DIS3L2: variants seen among roughly 807,000 people sequenced by gnomAD.
The protein encoded by DIS3L2 is DIS3 like 3'-5' exoribonuclease 2.
A neutral mutation model predicts 97.5 loss-of-function variants in DIS3L2; 34 were observed. The ratio of observed to expected loss-of-function variants is 0.35; its 90% CI spans 0.27 to 0.46. DIS3L2 has a LOEUF of 0.46. Ranked by LOEUF, DIS3L2 falls within the 20% of genes least tolerant of loss-of-function variation. DIS3L2 has a pLI of 1.00. For synonymous variants in DIS3L2, 435 were observed against 445.2 expected, an observed-to-expected ratio of 0.98 and a Z score of 0.29; for missense variants, 1,038 against 1,146.0, an observed-to-expected ratio of 0.91 and a Z score of 1.36.
At chr2:232,245,429 A>G (rs986500338) in intron 11 of DIS3L2, among the ~76,000 whole-genome samples, 2 of 152,210 alleles carry the variant, frequency 1.3e-5, no homozygotes, top group South Asian at 4.1e-4. Context: ...GAGCACATTC[A>G]CAGTGACCCT....
intron 7 of DIS3L2, among the ~76,000 whole-genome samples, chr2:232,132,525 A>G (rs1421589600): frequency 2.6e-5 from 4 of 152,210 alleles, no homozygotes; most frequent in East Asian, 1.9e-4. Flanking sequence ...TAGAGAAACA[A>G]CATAACAGCA....
intron 9 of DIS3L2, chr2:232,172,888 T>G (rs1691033410): frequency 2.3e-6 from 1 of 433,220 alleles, no homozygotes; most frequent in African/African-American, 2.1e-5. Flanking sequence ...GAATGTATTT[T>G]GATGTGCTTA....
At chr2:232,094,019 T>C (rs913187261) in intron 6 of DIS3L2, among the ~76,000 whole-genome samples, 6 of 152,118 alleles carry the variant, frequency 3.9e-5, no homozygotes, top group Non-Finnish European at 7.4e-5. Flanking sequence ...ATCCCATAGG[T>C]TTTGAATATG....
intron 5 of DIS3L2, among the ~76,000 whole-genome samples, chr2:232,054,964 CAAAT>C (rs1695505073): frequency 6.6e-6 from 1 of 152,094 alleles, no homozygotes; most frequent in Non-Finnish European, 1.5e-5. Flanking sequence ...ATTCAAAACT[CAAAT>C]AAGGTAATTC....
intron 6 of DIS3L2, among the ~76,000 whole-genome samples, chr2:232,122,396 C>T (rs1420134334): frequency 6.6e-6 from 1 of 152,100 alleles, no homozygotes; most frequent in Non-Finnish European, 1.5e-5. Context: ...CCAGTTGTGT[C>T]CAAAATAACA....
chr2:232,094,718 CAA>C (rs59253625), intron 6 of DIS3L2, among the ~76,000 whole-genome samples: 5 of 111,476 alleles, frequency 4.5e-5, no homozygotes, highest in East Asian at 2.5e-4. Flanking sequence ...GACTCCATCT[CAA>C]AAAAAAAAAA....
intron 1 of DIS3L2, among the ~76,000 whole-genome samples, chr2:231,975,250 T>C (rs1693049081): frequency 6.6e-6 from 1 of 152,090 alleles, no homozygotes; most frequent in Non-Finnish European, 1.5e-5. Context: ...TGCAAAATAA[T>C]GAGGTCACTA....
intron 8 of DIS3L2, among the ~76,000 whole-genome samples, chr2:232,141,019 C>G (rs907896940): frequency 2.0e-5 from 3 of 152,162 alleles, no homozygotes; most frequent in African/African-American, 4.8e-5. Context: ...GTACTACACT[C>G]TAGTCCAGGA....
chr2:231,988,407 C>T (rs1214119532), intron 1 of DIS3L2, among the ~76,000 whole-genome samples: 2 of 152,228 alleles, frequency 1.3e-5, no homozygotes, highest in Non-Finnish European at 2.9e-5. Flanking sequence ...ACGTGCTTAG[C>T]TGACAGACCA....
At chr2:232,015,761 T>G in intron 3 of DIS3L2, 90 bp downstream of exon 3, 7 of 1,458,520 alleles carry the variant, frequency 4.8e-6, no homozygotes, top group Admixed American at 2.0e-5. Context: ...CTATATGCTT[T>G]CAGAGAGACG....
intron 8 of DIS3L2, among the ~76,000 whole-genome samples, chr2:232,145,273 G>T (rs576188586): frequency 6.6e-6 from 1 of 152,004 alleles, no homozygotes; most frequent in Non-Finnish European, 1.5e-5. Context: ...GTTATTAATG[G>T]TATCTTCTGA....
chr2:232,335,705 C>G, intron 19 of DIS3L2, 68 bp from the exon 20 acceptor site: 2 of 1,515,668 alleles, frequency 1.3e-6, no homozygotes, highest in Non-Finnish European at 1.8e-6. Flanking sequence ...GCATTGAAGC[C>G]CTCCAGGGTG....
intron 13 of DIS3L2, among the ~76,000 whole-genome samples, chr2:232,277,507 TTC>T (rs1247108513): frequency 1.3e-5 from 2 of 152,202 alleles, no homozygotes; most frequent in Admixed American, 6.5e-5. Context: ...TGTGCTACTT[TTC>T]TCTTTCTTAC....
At chr2:232,101,746 T>C (rs531765989) in intron 6 of DIS3L2, among the ~76,000 whole-genome samples, 2 of 152,378 alleles carry the variant, frequency 1.3e-5, no homozygotes, top group East Asian at 3.9e-4. Context: ...ATACTCAGCA[T>C]TGCTGCTGTA....
chr2:232,225,247 T>C lies in DIS3L2; in HGVS notation c.1205-13286T>C, dbSNP rs548150553. ...CCCAGCAGTTTTAGTCTTAAGTATA[T>C]ACCCCATAGAAAGGTGTATATATGT... On this transcript the variant is annotated intron_variant, in intron 10 of 20. Coordinates refer to ENST00000325385, the MANE Select transcript of DIS3L2 (RefSeq NM_152383.5). Among the ~76,000 whole-genome samples, 429 of 152,274 alleles carry C rather than the reference T, an allele frequency of 2.8e-3. 1 individual carries two copies. Among genetic ancestry groups the C allele is most frequent in the Non-Finnish European group, 4.7e-3 (317 of 68,026 alleles).
chr2:232,133,614 C>T lies in DIS3L2; in HGVS notation c.703-2858C>T, dbSNP rs374429097. Among the ~76,000 whole-genome samples, 4 of 152,242 alleles carry T rather than the reference C, an allele frequency of 2.6e-5. No homozygotes were observed. The East Asian group carries it at 5.8e-4, about 22-fold the overall frequency. ...CCAACAATGATTTAAAAATAGCCAT[C>T]ATAAAAGTGCTTCAATAAGCAATTA... On this transcript the variant is annotated intron_variant, in intron 7 of 20. Coordinates refer to ENST00000325385, the MANE Select transcript of DIS3L2 (RefSeq NM_152383.5).
chr2:232,333,090 C>G (rs932397941), intron 16 of DIS3L2, among the ~76,000 whole-genome samples: 1 of 149,454 alleles, frequency 6.7e-6, no homozygotes, highest in Non-Finnish European at 1.5e-5. Flanking sequence ...CGCAGGCGGC[C>G]TCCTCCTCTT....
intron 5 of DIS3L2, among the ~76,000 whole-genome samples, chr2:232,033,917 G>A (rs1488397087): frequency 6.6e-6 from 1 of 152,110 alleles, no homozygotes; most frequent in Non-Finnish European, 1.5e-5. Flanking sequence ...AGGGATGTTG[G>A]CCTGAAATTT....
At chr2:232,024,352 T>C (rs555061413) in intron 4 of DIS3L2, 22 bp downstream of exon 4, 1 of 1,556,566 alleles carries the variant, frequency 6.4e-7, no homozygotes, top group Non-Finnish European at 8.8e-7. Flanking sequence ...AAATTTATAA[T>C]AAACTTTATG....
Sources: gnomAD v4.1 joint callset for allele counts (sites outside exome capture counted in the v4.1 genomes callset) on GRCh38, gnomAD v4.1.1 for gene constraint, MANE v1.5 for transcripts, NCBI Gene and HGNC (gene_info 2026-07-23, HGNC 2026-07-21) for gene names.